The following SENP2 variants were observed in gnomAD, a reference collection of about 807,000 sequenced individuals.
The protein encoded by SENP2 is sentrin-specific protease 2.
A neutral mutation model predicts 86.3 loss-of-function variants in SENP2; 16 were observed. That is an observed-to-expected ratio of 0.19 (90% CI 0.13 to 0.28). SENP2 has a LOEUF of 0.28. Among genes scored for constraint, SENP2 ranks in the 10% least tolerant of loss-of-function variants. SENP2 has a pLI of 1.00. For synonymous variants in SENP2, 222 were observed against 238.7 expected, an observed-to-expected ratio of 0.93 and a Z score of 0.64; for missense variants, 552 against 703.0, an observed-to-expected ratio of 0.79 and a Z score of 2.43.
At chr3:185,620,597 C>CA (rs1711812838) in intron 13 of SENP2, among the ~76,000 whole-genome samples, 2 of 151,954 alleles carry the variant, frequency 1.3e-5, no homozygotes, top group African/African-American at 4.8e-5. Context: ...CACGTGCCAC[C>CA]ACCATACCTG....
intron 14 of SENP2, 46 bp downstream of exon 14, chr3:185,621,951 CTCTT>C (rs1209580354): frequency 8.2e-7 from 1 of 1,225,516 alleles, no homozygotes; most frequent in Admixed American, 1.8e-5. Context: ...GAGGTGATCT[CTCTT>C]TTATCTCATC....
intron 6 of SENP2, among the ~76,000 whole-genome samples, chr3:185,607,319 CTTTTTT>C (rs758884593): frequency 3.0e-5 from 2 of 66,008 alleles, no homozygotes; most frequent in Non-Finnish European, 6.1e-5. Context: ...AGATTAGATT[CTTTTTT>C]TTTTTTTTTT....
At chr3:185,605,698 T>C (rs1722490722) in intron 5 of SENP2, among the ~76,000 whole-genome samples, 1 of 151,930 alleles carries the variant, frequency 6.6e-6, no homozygotes, top group Admixed American at 6.6e-5. Flanking sequence ...ATAAGTGATA[T>C]TCATTTCAAA....
chr3:185,594,444 G>T (rs1004743875), intron 2 of SENP2, among the ~76,000 whole-genome samples: 2 of 152,112 alleles, frequency 1.3e-5, no homozygotes, highest in Non-Finnish European at 2.9e-5. Flanking sequence ...TAGTTCAACT[G>T]AGGAACTGAA....
Position 185,632,414 on chromosome 3 carries a change from T to G in SENP2, c.*2570T>G, listed in dbSNP as rs770314264. The G allele has an allele frequency of 6.6e-6, 1 of 151,004 alleles. No homozygotes were observed. The highest frequency in any genetic ancestry group is 2.4e-5 in the African/African-American group (1 of 40,932). 9.4% of individuals were successfully genotyped at this position (151,004 alleles called of 1,614,324 possible). A position where few individuals can be genotyped will look rare whatever the true frequency, so the allele number is the denominator to read the frequency against. On this transcript the variant is annotated 3_prime_UTR_variant, in exon 17 of 17. Transcript: ENST00000296257. ...CACACCCTGCTAATTTTTGTACTTT[T>G]AGTAGAGATGGGGTTTCGCCATGTT... is the stretch of plus-strand genomic sequence containing the variant.
rs1722610077 is a variant in SENP2 at position 185,609,294 on chromosome 3, A to C, written c.666A>C (p.Arg222=). The stretch of plus-strand genomic sequence containing the variant: ...AGAAGTACCGAAAGTTATTGGAACG[A>C]CTTAAAGAAAGTGGTCATGGAAACT... The part of the protein sequence containing the change: ...EREKYRKLLE[R]LKESGHGNSV... The change falls in exon 7 of 17, where the codon CGA becomes CGC. Residue 222 remains arginine, a synonymous_variant. Coordinates refer to ENST00000296257, the MANE Select transcript of SENP2 (RefSeq NM_021627.3). 2 of 1,613,798 alleles carry C rather than the reference A, an allele frequency of 1.2e-6. No homozygotes were observed. The highest frequency in any genetic ancestry group is 3.3e-5 in the Admixed American group (2 of 59,988).
At position 185,617,539 on chromosome 3, in the gene SENP2, T is replaced by C; in HGVS notation, c.1170T>C (p.Ser390=). The part of the protein sequence containing the change: ...LGHGPQDEIL[S]SAFKLRITRG... ...ATGGCCCACAGGATGAAATCCTAAG[T>C]AGTGCTTTCAAATTGCGAATTACTC... Residue 390 remains serine, a synonymous_variant, in exon 12 of 17, where the codon AGT becomes AGC. Transcript: ENST00000296257. 6.2e-7 allele frequency: 1 copy of C among 1,613,626 alleles called. No individual in the cohort carries two copies. The highest frequency in any genetic ancestry group is 8.5e-7 in the Non-Finnish European group (1 of 1,179,550).
In SENP2 at chr3:185,633,338, G is replaced by GTAAC. The variant is rs779969222; in HGVS notation, c.*3496_*3499dup. On this transcript the variant is annotated 3_prime_UTR_variant, in exon 17 of 17. Coordinates refer to ENST00000296257, the MANE Select transcript of SENP2 (RefSeq NM_021627.3). ...ACTGATTGGGAACCTAATCTCTTTT[G>GTAAC]TAACTGTTTGAGAAAAACTCTGAAG... is the stretch of plus-strand genomic sequence containing the variant. 1.4e-4 allele frequency: 21 copies of GTAAC among 152,246 alleles called. No individual in the cohort carries two copies. Among genetic ancestry groups the GTAAC allele is most frequent in the Non-Finnish European group, 2.8e-4 (19 of 68,000 alleles). 9.4% of individuals were successfully genotyped at this position (152,246 alleles called of 1,614,324 possible).
rs1171716506 is a variant in SENP2, at chr3:185,592,008, TTTC to T, written c.157+1842_157+1844del. Among the ~76,000 whole-genome samples the T allele has an allele frequency of 1.2e-3, 126 of 109,546 alleles. 5 individuals are homozygous for T. The South Asian group carries it at 0.029, about 25-fold the overall frequency. 71.9% of individuals were successfully genotyped at this position (109,546 alleles called of 152,430 possible). ...CTCCTGTCTTTAAGAACCGGTAATA[TTTC>T]TTTTTTTTTTTTTTTTTTTTTTTGA... On this transcript the variant is annotated intron_variant, in intron 2 of 16. Transcript: ENST00000296257.
At chr3:185,604,933 T>A (rs1722463101) in intron 5 of SENP2, among the ~76,000 whole-genome samples, 1 of 151,430 alleles carries the variant, frequency 6.6e-6, no homozygotes, top group Non-Finnish European at 1.5e-5. Flanking sequence ...TTTTTGTATT[T>A]TTGGTAGAGT....
In SENP2 at chr3:185,630,468, G is replaced by GT. The variant is rs1174689192; in HGVS notation, c.*625dup. The GT allele has an allele frequency of 6.5e-6, 1 of 154,014 alleles. No individual in the cohort carries two copies. The highest frequency in any genetic ancestry group is 1.4e-5 in the Non-Finnish European group (1 of 69,024). The allele number at this position is 154,014 out of a possible 1,614,324, so 9.5% of individuals were successfully genotyped here. ...AAATGCTGGGAGAAATGAAAATGCT[G>GT]TGGGATAGGGCTCCTGTTGCCTTTC... is the stretch of plus-strand genomic sequence containing the variant. On this transcript the variant is annotated 3_prime_UTR_variant, in exon 17 of 17. Transcript: ENST00000296257.
chr3:185,595,105 C>T (rs1275144125), intron 2 of SENP2, among the ~76,000 whole-genome samples: 1 of 152,088 alleles, frequency 6.6e-6, no homozygotes, highest in East Asian at 1.9e-4. Context: ...ATCTTTTCCC[C>T]ATTTTACAGA....
At chr3:185,609,184 T>G in intron 6 of SENP2, 63 bp from the exon 7 acceptor site, 11 of 1,084,658 alleles carry the variant, frequency 1.0e-5, no homozygotes, top group Non-Finnish European at 1.4e-5. Flanking sequence ...ATGGTTTACA[T>G]TTGGCCTTTT....
chr3:185,614,783 A>G lies in SENP2; in HGVS notation c.1110+43A>G, dbSNP rs752522713. On this transcript the variant is annotated intron_variant, in intron 11 of 16. Coordinates refer to ENST00000296257, the MANE Select transcript of SENP2 (RefSeq NM_021627.3). ...GATCCTAAAAAGAGGCATGTCTTTA[A>G]ATAACCTCAGTTATTCTAACTTGAA... 20 of 1,571,740 alleles carry G rather than the reference A, an allele frequency of 1.3e-5. No homozygotes were observed. In the East Asian group the frequency reaches 4.3e-4, roughly 34 times the overall value.
At chr3:185,606,741 G>T (rs1722525557) in intron 6 of SENP2, 6 of 530,314 alleles carry the variant, frequency 1.1e-5, no homozygotes, top group Middle Eastern at 5.0e-4. Context: ...AGATTGTCCA[G>T]ATCACATTAG....
At chr3:185,619,813 G>C (rs909168520) in intron 13 of SENP2, among the ~76,000 whole-genome samples, 14 of 151,958 alleles carry the variant, frequency 9.2e-5, no homozygotes, top group Non-Finnish European at 1.9e-4. Flanking sequence ...TTGCAGCCTG[G>C]AAGTCCTGGA....
intron 14 of SENP2, among the ~76,000 whole-genome samples, chr3:185,623,161 G>C (rs1047217603): frequency 2.0e-5 from 3 of 150,072 alleles, no homozygotes; most frequent in African/African-American, 7.4e-5. Context: ...TGTTTTTTGA[G>C]ATGGAGTTTC....
Position 185,632,233 on chromosome 3 carries a change from T to TTG in SENP2, c.*2390_*2391insGT, listed in dbSNP as rs1655755995. 8.4e-6 allele frequency: 1 copy of TTG among 118,840 alleles called. No individual in the cohort carries two copies. Among genetic ancestry groups the TTG allele is most frequent in the African/African-American group, 3.0e-5 (1 of 33,106 alleles). 7.4% of individuals were successfully genotyped at this position (118,840 alleles called of 1,614,324 possible). On this transcript the variant is annotated 3_prime_UTR_variant, in exon 17 of 17. Coordinates refer to ENST00000296257, the MANE Select transcript of SENP2 (RefSeq NM_021627.3). ...CAGTGGTTTTTTTTTTGTTTTTTTT[T>TTG]TTTGTTTTTTTTTTTTTTTTTTGCG...
Position 185,609,418 on chromosome 3 carries a change from T to C in SENP2, c.722+68T>C, listed in dbSNP as rs551766760. 5.2e-6 allele frequency: 6 copies of C among 1,144,016 alleles called. No homozygotes were observed. The East Asian group carries it at 1.2e-4, about 23-fold the overall frequency. The allele number at this position is 1,144,016 out of a possible 1,614,324, so 70.9% of individuals were successfully genotyped here. On this transcript the variant is annotated intron_variant, in intron 7 of 16. Transcript: ENST00000296257. ...GTTTGTTTGTTTTTGGAGAAAGTAT[T>C]GGTGGGAAGGGCTTTACTGAAAGAA...
Sources: allele counts gnomAD v4.1 joint callset (sites outside exome capture counted in the v4.1 genomes callset), GRCh38; gene constraint gnomAD v4.1.1; transcripts MANE v1.5; gene names NCBI Gene and HGNC (gene_info 2026-07-23, HGNC 2026-07-21).